DMD: variants seen among roughly 807,000 people sequenced by gnomAD.
DMD encodes mutant dystrophin.
DMD carries 63 observed loss-of-function variants against 330.1 expected under a neutral mutation model. The ratio of observed to expected loss-of-function variants is 0.19; its 90% CI spans 0.16 to 0.24. The LOEUF (loss-of-function observed/expected upper bound fraction) is 0.24. Among genes scored for constraint, DMD ranks in the 10% least tolerant of loss-of-function variants. The pLI, the probability that DMD is intolerant of heterozygous loss-of-function variation, is 1.00. For missense variants in DMD, 3,344 were observed against 2,684.1 expected (o/e 1.25, Z -5.43); for synonymous variants, 1,223 against 959.8 (o/e 1.27, Z -5.07).
At chrX:33,299,716 A>G (rs915975074) in intron 1 of DMD, among the ~76,000 whole-genome samples, 3 of 112,029 alleles carry the variant, frequency 2.7e-5, no homozygotes, top group African/African-American at 6.5e-5. Context: ...GATGTTTTAC[A>G]TTGTCCTTTT....
At chrX:32,593,068 G>A (rs1321627357) in intron 13 of DMD, among the ~76,000 whole-genome samples, 1 of 112,711 alleles carries the variant, frequency 8.9e-6, no homozygotes, top group Non-Finnish European at 1.9e-5. Context: ...CAGGCATGGG[G>A]ATCCGGGCCA....
At chrX:31,729,138 A>C (rs770366403) in intron 52 of DMD, among the ~76,000 whole-genome samples, 10 of 112,127 alleles carry the variant, frequency 8.9e-5, no homozygotes, top group Non-Finnish European at 1.7e-4. Context: ...CTACTACGGC[A>C]TAAGGTACAG....
At chrX:31,724,259 A>G (rs931838907) in intron 52 of DMD, among the ~76,000 whole-genome samples, 1 of 112,688 alleles carries the variant, frequency 8.9e-6, no homozygotes, top group Admixed American at 9.4e-5. Context: ...CATTAGCAAC[A>G]GAGATTTCAT....
At chrX:32,543,442 G>A (rs1199005863) in intron 17 of DMD, among the ~76,000 whole-genome samples, 1 of 111,049 alleles carries the variant, frequency 9.0e-6, no homozygotes, top group Non-Finnish European at 1.9e-5. Flanking sequence ...TATTAGGCAA[G>A]TCCTGAAGAC....
At chrX:32,486,532 C>T (rs1036198666) in intron 20 of DMD, among the ~76,000 whole-genome samples, 3 of 110,593 alleles carry the variant, frequency 2.7e-5, no homozygotes, top group Admixed American at 9.7e-5. Context: ...AAAAAGAGCC[C>T]GCATCGCCAA....
chrX:32,319,301 T>C (rs1229181511), intron 41 of DMD, among the ~76,000 whole-genome samples: 1 of 110,331 alleles, frequency 9.1e-6, no homozygotes, highest in Non-Finnish European at 1.9e-5. Flanking sequence ...AAAAATAACC[T>C]ATAAATTAAT....
At chrX:31,332,602 C>T (rs768671728) in intron 61 of DMD, among the ~76,000 whole-genome samples, 1 of 111,818 alleles carries the variant, frequency 8.9e-6, no homozygotes, top group East Asian at 2.8e-4. Flanking sequence ...GGTTGCTATT[C>T]ACTGGTGTCT....
At chrX:32,933,638 A>C (rs1369381706) in intron 2 of DMD, among the ~76,000 whole-genome samples, 1 of 112,074 alleles carries the variant, frequency 8.9e-6, no homozygotes, top group Non-Finnish European at 1.9e-5. Context: ...ATGAGACTTA[A>C]TTACACAAAG....
intron 44 of DMD, among the ~76,000 whole-genome samples, chrX:32,052,343 T>C (rs2096122800): frequency 9.0e-6 from 1 of 111,186 alleles, no homozygotes; most frequent in South Asian, 3.7e-4. Flanking sequence ...AACACATGGA[T>C]GAAACACTTC....
intron 51 of DMD, among the ~76,000 whole-genome samples, chrX:31,743,118 G>C (rs1201964499): frequency 8.9e-6 from 1 of 111,844 alleles, no homozygotes; most frequent in Non-Finnish European, 1.9e-5. Context: ...CTCAACATCA[G>C]AGAAATGCAA....
In DMD at chrX:32,755,544, G is replaced by A. The variant is rs755009890; in HGVS notation, c.649+53949C>T. Among the ~76,000 whole-genome samples, 43 of 111,844 alleles carry A rather than the reference G, an allele frequency of 3.8e-4. 1 individual carries two copies. The highest frequency in any genetic ancestry group is 1.2e-3 in the African/African-American group (37 of 30,887). On this transcript the variant is annotated intron_variant, in intron 7 of 78. Transcript: ENST00000357033. ...AGAGCAGCCCAACACAGGAATATTT[G>A]CTCTTTGAGGAGTAATACATGTTTT...
intron 1 of DMD, among the ~76,000 whole-genome samples, chrX:33,074,028 T>C (rs1333026726): frequency 3.6e-5 from 4 of 111,334 alleles, no homozygotes; most frequent in African/African-American, 1.3e-4. Flanking sequence ...CTTCTATATT[T>C]GAGTCCCTGT....
At chrX:32,660,707 A>C (rs2060889738) in intron 9 of DMD, among the ~76,000 whole-genome samples, 1 of 111,381 alleles carries the variant, frequency 9.0e-6, no homozygotes, top group South Asian at 3.8e-4. Flanking sequence ...TTGAGAAATA[A>C]CATAGTACTC....
chrX:32,982,081 T>G (rs1197814927), intron 2 of DMD, among the ~76,000 whole-genome samples: 1 of 111,866 alleles, frequency 8.9e-6, no homozygotes, highest in African/African-American at 3.2e-5. Flanking sequence ...AGATAAACTG[T>G]ATGTTTCTAT....
intron 16 of DMD, among the ~76,000 whole-genome samples, chrX:32,554,236 G>A (rs1185002270): frequency 9.0e-6 from 1 of 111,248 alleles, no homozygotes; most frequent in African/African-American, 3.3e-5. Context: ...CAAACCAAGA[G>A]CAAACAAACA....
chrX:31,284,607 T>TCTTCTCTTC (rs61693430), intron 62 of DMD, among the ~76,000 whole-genome samples: 1 of 102,058 alleles, frequency 9.8e-6, no homozygotes, highest in African/African-American at 3.8e-5. Flanking sequence ...TTCTTCTTCT[T>TCTTCTCTTC]TTTTTTGGCA....
intron 1 of DMD, among the ~76,000 whole-genome samples, chrX:33,231,682 T>C (rs2052390308): frequency 9.0e-6 from 1 of 111,511 alleles, no homozygotes; most frequent in Admixed American, 9.6e-5. Flanking sequence ...GTGATATACC[T>C]TTCCCAGCCT....
chrX:33,211,283 A>G lies in DMD; in HGVS notation c.30T>C (p.Cys10=). The change falls in exon 1 of 79, where the codon TGT becomes TGC. Residue 10 remains cysteine, a splice_region_variant and synonymous_variant. Coordinates refer to ENST00000357033, the MANE Select transcript of DMD (RefSeq NM_004006.3). ...TATTTTTAGTTACTTTGTACTTACA[A>G]CAGTCCTCTACTTCTTCCCACCAAA... MLWWEEVED[C]YEREDVQKKT... 1 of 1,209,342 alleles carries G rather than the reference A, an allele frequency of 8.3e-7. No homozygotes were observed. The highest frequency in any genetic ancestry group is 1.1e-6 in the Non-Finnish European group (1 of 894,163).
chrX:32,103,927 A>G (rs377044786), intron 44 of DMD, among the ~76,000 whole-genome samples: 2 of 111,761 alleles, frequency 1.8e-5, no homozygotes, highest in East Asian at 5.7e-4. Flanking sequence ...TTTAGCAGAA[A>G]GAAGGGAGCT....
Sources: gnomAD v4.1 joint callset for allele counts (sites outside exome capture counted in the v4.1 genomes callset) on GRCh38, gnomAD v4.1.1 for gene constraint, MANE v1.5 for transcripts, NCBI Gene and HGNC (gene_info 2026-07-23, HGNC 2026-07-21) for gene names.